GRM2: variants seen among roughly 807,000 people sequenced by gnomAD.
GRM2 encodes glutamate metabotropic receptor 2.
Under a neutral mutation model 60.4 loss-of-function variants are expected in GRM2, and 35 were observed. The ratio of observed to expected loss-of-function variants is 0.58; its 90% CI spans 0.44 to 0.77. The LOEUF is 0.77. GRM2 is among the 30% of genes least tolerant of loss of function. GRM2 has a pLI of 0.00. For synonymous variants in GRM2, 437 were observed against 484.1 expected, an observed-to-expected ratio of 0.90 and a Z score of 1.28; for missense variants, 925 against 1,199.5, an observed-to-expected ratio of 0.77 and a Z score of 3.38.
In GRM2 at chr3:51,717,948, G is replaced by A; in HGVS notation, c.2546-91G>A. ...GGCAGGAGAGGACAGGAGAGGGGAG[G>A]GGAGGCTTCCCTCACAGCCCTGCTT... On this transcript the variant is annotated intron_variant, in intron 5 of 5. Coordinates refer to ENST00000395052, the MANE Select transcript of GRM2 (RefSeq NM_000839.5). The surrounding 1 kb of genome is among the most constrained non-coding windows in gnomAD (Gnocchi z 6.0). 1 of 1,437,704 alleles carries A rather than the reference G, an allele frequency of 7.0e-7. No individual in the cohort carries two copies. The highest frequency in any genetic ancestry group is 9.8e-7 in the Non-Finnish European group (1 of 1,019,518). 89.1% of individuals were successfully genotyped at this position (1,437,704 alleles called of 1,614,324 possible). A position where few individuals can be genotyped will look rare whatever the true frequency, so the allele number is the denominator to read the frequency against.
At position 51,712,764 on chromosome 3, in the gene GRM2, G is replaced by A. The variant is rs117368814; in HGVS notation, c.742G>A (p.Ala248Thr). 783 of 1,613,372 alleles carry A rather than the reference G, an allele frequency of 4.9e-4. 13 individuals carry two copies. In the East Asian group the frequency reaches 0.014, roughly 28 times the overall value. ...GAAAGTGGGCCGTGCCATGAGCCGC[G>A]CGGCCTTTGAGGGTGTGGTGCGAGC... The part of the protein sequence containing the change: ...SEKVGRAMSR[A>T]AFEGVVRALL... Residue 248 changes from alanine (A) to threonine (T), a missense_variant, in exon 3 of 6, where the codon GCG becomes ACG. By Grantham distance (58) the Ala-to-Thr change is moderately conservative. Coordinates refer to ENST00000395052, the MANE Select transcript of GRM2 (RefSeq NM_000839.5). This position sits in a 1 kb window ranked among gnomAD's most constrained non-coding sequence, Gnocchi z 5.3.
Position 51,716,770 on chromosome 3 carries a change from C to T in GRM2, c.2364+633C>T, listed in dbSNP as rs759693462. ...ACTTGAGTAAGCTCCATGGCTCTCC[C>T]GTTTTACAGATGAAGAAACAGAGAC... On this transcript the variant is annotated intron_variant, in intron 4 of 5. Transcript: ENST00000395052. The surrounding 1 kb of genome is among the most constrained non-coding windows in gnomAD (Gnocchi z 4.0). 1.4e-4 allele frequency among the ~76,000 whole-genome samples: 21 copies of T among 152,160 alleles called. No individual in the cohort carries two copies. Among genetic ancestry groups the T allele is most frequent in the Admixed American group, 9.8e-4 (15 of 15,280 alleles).
In GRM2 at chr3:51,713,178, T is replaced by C; in HGVS notation, c.1156T>C (p.Tyr386His). ...GATCATGTTTGTGGTCAATGCAGTGTACGCCATGGCCCATGCGCTCCACAA... is the reference window on the plus strand; with the variant it reads ...GATCATGTTTGTGGTCAATGCAGTGCACGCCATGGCCCATGCGCTCCACAA... ...SKIMFVVNAVYAMAHALHNMH... is the reference protein window; with the variant it reads ...SKIMFVVNAVHAMAHALHNMH... The change falls in exon 3 of 6, where the codon TAC (tyrosine) becomes CAC (histidine). Residue 386 changes from tyrosine to histidine, a missense_variant. Physicochemically the swap from Tyr to His is moderately conservative, Grantham distance 83. Coordinates refer to ENST00000395052, the MANE Select transcript of GRM2 (RefSeq NM_000839.5). This position sits in a 1 kb window ranked among gnomAD's most constrained non-coding sequence, Gnocchi z 4.8. The C allele has an allele frequency of 6.2e-7, 1 of 1,613,206 alleles. No homozygotes were observed. The highest frequency in any genetic ancestry group is 8.5e-7 in the Non-Finnish European group (1 of 1,180,020).
chr3:51,716,245 C>G lies in GRM2; in HGVS notation c.2364+108C>G, dbSNP rs1703895845. The G allele has an allele frequency of 1.3e-6, 1 of 744,034 alleles. No homozygotes were observed. Among genetic ancestry groups the G allele is most frequent in the African/African-American group, 1.8e-5 (1 of 57,116 alleles). 46.1% of individuals were successfully genotyped at this position (744,034 alleles called of 1,614,324 possible). ...TCTGGGGTTCCAAGAGGATAATGCC[C>G]ACTCAGGGGACCACAGCTTGTGTGG... On this transcript the variant is annotated intron_variant, in intron 4 of 5. Transcript: ENST00000395052. The surrounding 1 kb of genome is among the most constrained non-coding windows in gnomAD (Gnocchi z 4.0).
intron 2 of GRM2, among the ~76,000 whole-genome samples, chr3:51,710,481 G>A (rs1703674137): frequency 6.6e-6 from 1 of 152,216 alleles, no homozygotes; most frequent in Non-Finnish European, 1.5e-5. Context: ...AGTGGTGGAG[G>A]GGAACTGTGA....
Position 51,709,206 on chromosome 3 carries a change from G to C in GRM2, c.223G>C (p.Asp75His). ...TTTTGCACTGGACCGCATCAACCGT[G>C]ACCCGCACCTGCTGCCTGGCGTGCG... ...MLFALDRINR[D>H]PHLLPGVRLG... is the part of the protein sequence containing the mutation. Residue 75 changes from aspartate (D) to histidine (H), a missense_variant, in exon 2 of 6, where the codon GAC becomes CAC. Coordinates refer to ENST00000395052, the MANE Select transcript of GRM2 (RefSeq NM_000839.5). 1 of 1,610,818 alleles carries C rather than the reference G, an allele frequency of 6.2e-7. No homozygotes were observed. Among genetic ancestry groups the C allele is most frequent in the Non-Finnish European group, 8.5e-7 (1 of 1,178,502 alleles).
intron 2 of GRM2, among the ~76,000 whole-genome samples, chr3:51,709,749 C>T (rs1190724705): frequency 6.3e-5 from 3 of 47,278 alleles, no homozygotes; most frequent in African/African-American, 9.5e-5. Flanking sequence ...CACACCCACA[C>T]ACACCCAACA....
At position 51,718,119 on chromosome 3, in the gene GRM2, CA is replaced by C; in HGVS notation, c.*8del. 1 of 1,612,526 alleles carries C rather than the reference CA, an allele frequency of 6.2e-7. No individual in the cohort carries two copies. Among genetic ancestry groups the C allele is most frequent in the Non-Finnish European group, 8.5e-7 (1 of 1,178,486 alleles). ...GACAACGTCATCGCTTTGAAGACCC[CA>C]TACTCCCGCCCTGACACAGCTGCTC... On this transcript the variant is annotated 3_prime_UTR_variant, in exon 6 of 6. Transcript: ENST00000395052. This position sits in a 1 kb window ranked among gnomAD's most constrained non-coding sequence, Gnocchi z 4.2.
At chr3:51,714,066 C>T (rs781122332) in intron 3 of GRM2, 24 of 422,212 alleles carry the variant, frequency 5.7e-5, no homozygotes, top group Middle Eastern at 3.4e-4. Flanking sequence ...GAAGAATCAC[C>T]GTGGGAACAG....
At position 51,716,807 on chromosome 3, in the gene GRM2, C is replaced by G. The variant is rs907931995; in HGVS notation, c.2364+670C>G. Among the ~76,000 whole-genome samples the G allele has an allele frequency of 6.6e-6, 1 of 152,222 alleles. No homozygotes were observed. Among genetic ancestry groups the G allele is most frequent in the African/African-American group, 2.4e-5 (1 of 41,448 alleles). Reference sequence around the variant, plus strand: ...GAAGAAACAGAGACTCAGGGAGGTTCAATCCCTTGCCCAAGGTCACTCAGC... The same window carrying G: ...GAAGAAACAGAGACTCAGGGAGGTTGAATCCCTTGCCCAAGGTCACTCAGC... On this transcript the variant is annotated intron_variant, in intron 4 of 5. Coordinates refer to ENST00000395052, the MANE Select transcript of GRM2 (RefSeq NM_000839.5). The surrounding 1 kb of genome is among the most constrained non-coding windows in gnomAD (Gnocchi z 4.0).
Position 51,717,662 on chromosome 3 carries a change from C to G in GRM2, c.2390C>G (p.Ser797Ter). The change falls in exon 5 of 6, where the codon TCA becomes TGA. Residue 797 changes from serine (S) to a stop codon, truncating the protein, a stop_gained. Coordinates refer to ENST00000395052, the MANE Select transcript of GRM2 (RefSeq NM_000839.5). LOFTEE classifies it high-confidence loss of function. The surrounding 1 kb of genome is among the most constrained non-coding windows in gnomAD (Gnocchi z 6.0). The stretch of plus-strand genomic sequence containing the variant: ...GTACAGACCACCACCATGTGCGTGT[C>G]AGTCAGCCTCAGCGGCTCCGTGGTG... ...YRVQTTTMCV[S>*]VSLSGSVVLG... The G allele has an allele frequency of 6.2e-7, 1 of 1,613,768 alleles. No individual in the cohort carries two copies. The highest frequency in any genetic ancestry group is 8.5e-7 in the Non-Finnish European group (1 of 1,179,970).
chr3:51,712,946 G>T lies in GRM2; in HGVS notation c.924G>T (p.Glu308Asp). The part of the protein sequence containing the change: ...GALESVVAGS[E>D]GAAEGAITIE... ...TGGAGAGTGTGGTGGCAGGCAGTGA[G>T]GGGGCTGCTGAGGGTGCTATCACCA... is the stretch of plus-strand genomic sequence containing the variant. Residue 308 changes from glutamate (E) to aspartate (D), a missense_variant, in exon 3 of 6, where the codon GAG (glutamate) becomes GAT (aspartate). Coordinates refer to ENST00000395052, the MANE Select transcript of GRM2 (RefSeq NM_000839.5). This position sits in a 1 kb window ranked among gnomAD's most constrained non-coding sequence, Gnocchi z 5.3. The T allele has an allele frequency of 6.2e-7, 1 of 1,613,098 alleles. No homozygotes were observed.
At chr3:51,710,974 C>T (rs1042748867) in intron 2 of GRM2, among the ~76,000 whole-genome samples, 6 of 152,242 alleles carry the variant, frequency 3.9e-5, no homozygotes, top group Admixed American at 2.6e-4. Context: ...AGCTTCCTTT[C>T]GGAGAGTGGC....
Position 51,717,671 on chromosome 3 carries a change from T to G in GRM2, c.2399T>G (p.Leu800Arg). 6.2e-7 allele frequency: 1 copy of G among 1,613,874 alleles called. No individual in the cohort carries two copies. Among genetic ancestry groups the G allele is most frequent in the Non-Finnish European group, 8.5e-7 (1 of 1,180,000 alleles). ...ACCACCATGTGCGTGTCAGTCAGCC[T>G]CAGCGGCTCCGTGGTGCTTGGCTGC... is the stretch of plus-strand genomic sequence containing the variant. ...QTTTMCVSVS[L>R]SGSVVLGCLF... The change falls in exon 5 of 6, where the codon CTC (leucine) becomes CGC (arginine). Residue 800 changes from leucine (L) to arginine (R), a missense_variant. Physicochemically the swap from Leu to Arg is moderately radical, Grantham distance 102. Transcript: ENST00000395052. The surrounding 1 kb of genome is among the most constrained non-coding windows in gnomAD (Gnocchi z 6.0).
rs1334830556 is a variant in GRM2, at chr3:51,708,896, C to G, written c.-88C>G. On this transcript the variant is annotated 5_prime_UTR_variant, in exon 2 of 6. Transcript: ENST00000395052. ...CTTCTTGTCTGTCCTTTCCTGGTCC[C>G]TGTTTCCTCCTCTCTTTGCCTTCGC... The G allele has an allele frequency of 2.0e-6, 2 of 983,764 alleles. No homozygotes were observed. Among genetic ancestry groups the G allele is most frequent in the African/African-American group, 1.6e-5 (1 of 61,498 alleles). 60.9% of individuals were successfully genotyped at this position (983,764 alleles called of 1,614,324 possible).
In GRM2 at chr3:51,709,004, C is replaced by G. The variant is rs776776869; in HGVS notation, c.21C>G (p.Leu7=). 4.4e-6 allele frequency: 7 copies of G among 1,586,742 alleles called. No individual in the cohort carries two copies. The highest frequency in any genetic ancestry group is 6.0e-6 in the Non-Finnish European group (7 of 1,160,856). ...GGGCCATGGGATCGCTGCTTGCGCT[C>G]CTGGCACTGCTGCTGCTGTGGGGTG... MGSLLA[L]LALLLLWGAV... is the part of the protein sequence containing the mutation. Residue 7 remains leucine (L), a synonymous_variant, in exon 2 of 6, where the codon CTC becomes CTG. Transcript: ENST00000395052.
Position 51,717,592 on chromosome 3 carries a change from G to T in GRM2, c.2365-45G>T, listed in dbSNP as rs1359439720. On this transcript the variant is annotated intron_variant, in intron 4 of 5. Transcript: ENST00000395052. The surrounding 1 kb of genome is among the most constrained non-coding windows in gnomAD (Gnocchi z 6.0). ...ATCAGGCAGGGGGTCCTGGGGTCAGGCCCAGGTCTTGACCTGTGCTTGTTC... is the reference window on the plus strand; with the variant it reads ...ATCAGGCAGGGGGTCCTGGGGTCAGTCCCAGGTCTTGACCTGTGCTTGTTC... 6.5e-7 allele frequency: 1 copy of T among 1,533,724 alleles called. No individual in the cohort carries two copies. Among genetic ancestry groups the T allele is most frequent in the Admixed American group, 1.7e-5 (1 of 58,944 alleles).
chr3:51,708,983 C>T lies in GRM2; in HGVS notation c.-1C>T. 1 of 1,567,556 alleles carries T rather than the reference C, an allele frequency of 6.4e-7. No homozygotes were observed. Among genetic ancestry groups the T allele is most frequent in the Non-Finnish European group, 8.7e-7 (1 of 1,151,196 alleles). On this transcript the variant is annotated 5_prime_UTR_variant, in exon 2 of 6. Transcript: ENST00000395052. Reference sequence around the variant, plus strand: ...GGGACCCATCCATCCCCTTTGGGGCCATGGGATCGCTGCTTGCGCTCCTGG... The same window carrying T: ...GGGACCCATCCATCCCCTTTGGGGCTATGGGATCGCTGCTTGCGCTCCTGG...
In GRM2 at chr3:51,713,437, G is replaced by T. The variant is rs1024461719; in HGVS notation, c.1288+127G>T. 5 of 694,150 alleles carry T rather than the reference G, an allele frequency of 7.2e-6. No homozygotes were observed. The Admixed American group carries it at 1.4e-4, about 20-fold the overall frequency. The allele number at this position is 694,150 out of a possible 1,614,324, so 43.0% of individuals were successfully genotyped here. A position where few individuals can be genotyped will look rare whatever the true frequency, so the allele number is the denominator to read the frequency against. On this transcript the variant is annotated intron_variant, in intron 3 of 5. Transcript: ENST00000395052. The surrounding 1 kb of genome is among the most constrained non-coding windows in gnomAD (Gnocchi z 4.8). Reference sequence around the variant, plus strand: ...AAGTAAAGGACTCACCTGGGGTGGCGTCAGAGCAAGGGCAAGGATGCTAGG... The same window carrying T: ...AAGTAAAGGACTCACCTGGGGTGGCTTCAGAGCAAGGGCAAGGATGCTAGG...
Sources: gnomAD v4.1 joint callset for allele counts (sites outside exome capture counted in the v4.1 genomes callset) on GRCh38, gnomAD v4.1.1 for gene constraint, Gnocchi (gnomAD v3.1) non-coding constraint, MANE v1.5 for transcripts, NCBI Gene and HGNC (gene_info 2026-07-23, HGNC 2026-07-21) for gene names.